FBXO31: variants seen among roughly 807,000 people sequenced by gnomAD.
The protein encoded by FBXO31 is F-box protein 31.
In FBXO31, 24 loss-of-function variants were observed where a neutral mutation model predicts 54.4. The ratio of observed to expected loss-of-function variants is 0.44; its 90% CI spans 0.32 to 0.62. The LOEUF is 0.62. FBXO31 is among the 20% of genes least tolerant of loss of function. The pLI, the probability that FBXO31 is intolerant of heterozygous loss-of-function variation, is 0.05. For missense variants in FBXO31, 665 were observed against 787.1 expected, an observed-to-expected ratio of 0.84 and a Z score of 1.86; for synonymous variants, 388 against 335.6, an observed-to-expected ratio of 1.16 and a Z score of -1.71.
Position 87,383,741 on chromosome 16 carries a change from C to A in FBXO31, c.4G>T (p.Ala2Ser), listed in dbSNP as rs1393141084. Residue 2 changes from alanine (A) to serine (S), a missense_variant, in exon 1 of 9, where the codon GCG (alanine) becomes TCG (serine). This residue lies in a region of FBXO31 where 195 missense variants were observed against 174.8 expected (regional missense o/e 1.12). Coordinates refer to ENST00000311635, the MANE Select transcript of FBXO31 (RefSeq NM_024735.5). The surrounding 1 kb of genome is among the most constrained non-coding windows in gnomAD (Gnocchi z 4.9). ...ACGCCGCAAAGGCGAGCACACACCG[C>A]CATGCCGCCCAGTGACGGCCACTGC... MAVCARLCGVGP... is the reference protein window; with the variant it reads MSVCARLCGVGP... 8.2e-7 allele frequency: 1 copy of A among 1,212,422 alleles called. No homozygotes were observed. The highest frequency in any genetic ancestry group is 1.0e-6 in the Non-Finnish European group (1 of 978,306). 75.1% of individuals were successfully genotyped at this position (1,212,422 alleles called of 1,614,324 possible).
At position 87,329,436 on chromosome 16, in the gene FBXO31, G is replaced by A. The variant is rs972725115; in HGVS notation, c.*1852C>T. ...CTAGGACTGCGTCCCTTAGAGCGAG[G>A]CTCGGGCTCTTGGTAAAAAAGCATT... is the stretch of plus-strand genomic sequence containing the variant. On this transcript the variant is annotated 3_prime_UTR_variant, in exon 9 of 9. Coordinates refer to ENST00000311635, the MANE Select transcript of FBXO31 (RefSeq NM_024735.5). 6.6e-6 allele frequency: 1 copy of A among 152,306 alleles called. No individual in the cohort carries two copies. Among genetic ancestry groups the A allele is most frequent in the South Asian group, 2.1e-4 (1 of 4,836 alleles). 9.4% of individuals were successfully genotyped at this position (152,306 alleles called of 1,614,324 possible). A position where few individuals can be genotyped will look rare whatever the true frequency, so the allele number is the denominator to read the frequency against.
chr16:87,352,559 G>C (rs1473510691), intron 2 of FBXO31, among the ~76,000 whole-genome samples: 2 of 152,180 alleles, frequency 1.3e-5, no homozygotes, highest in Admixed American at 1.3e-4. Context: ...GGCCTGTTCA[G>C]GTCCAGCCCG....
intron 1 of FBXO31, among the ~76,000 whole-genome samples, chr16:87,369,437 G>T (rs775820725): frequency 6.6e-6 from 1 of 152,182 alleles, no homozygotes; most frequent in Non-Finnish European, 1.5e-5. Context: ...GAAGCATGCC[G>T]TACTTGTCCT....
At position 87,331,519 on chromosome 16, in the gene FBXO31, AAACAAGAGGGAAACTGTG is replaced by A. The variant is rs768208811; in HGVS notation, c.1398-27_1398-10del. 1 of 1,589,878 alleles carries A rather than the reference AAACAAGAGGGAAACTGTG, an allele frequency of 6.3e-7. No homozygotes were observed. The highest frequency in any genetic ancestry group is 8.6e-7 in the Non-Finnish European group (1 of 1,163,566). On this transcript the variant is annotated splice_polypyrimidine_tract_variant and intron_variant, in intron 8 of 8. Transcript: ENST00000311635. ...GGCCTGTGCCATAAAAACTGAGCAG[AAACAAGAGGGAAACTGTG>A]AGCTGGGGGAGGGCTGAGTCAAATG...
Position 87,383,703 on chromosome 16 carries a change from G to T in FBXO31, c.42C>A (p.Arg14=), listed in dbSNP as rs946117279. The T allele has an allele frequency of 1.8e-4, 224 of 1,264,932 alleles. No individual in the cohort carries two copies. Among genetic ancestry groups the T allele is most frequent in the Non-Finnish European group, 2.2e-4 (219 of 1,012,098 alleles). 78.4% of individuals were successfully genotyped at this position (1,264,932 alleles called of 1,614,324 possible). The change falls in exon 1 of 9, where the codon CGC becomes CGA. Residue 14 remains arginine, a synonymous_variant. Transcript: ENST00000311635. The surrounding 1 kb of genome is among the most constrained non-coding windows in gnomAD (Gnocchi z 4.9). ...CARLCGVGPS[R]GCRRRQQRRG... is the part of the protein sequence containing the mutation. The stretch of plus-strand genomic sequence containing the variant: ...GGCGCTGCTGGCGGCGCCGACATCC[G>T]CGCGACGGGCCCACGCCGCAAAGGC...
rs2150671189 is a variant in FBXO31, at chr16:87,338,837, T to A, written c.733-2573A>T. ...TGGCTGTGTCCCCACCCAAATCTCA[T>A]CTTGAACTGTAGCTCTTCCAATTCC... On this transcript the variant is annotated intron_variant, in intron 5 of 8. Transcript: ENST00000311635. The surrounding 1 kb of genome is among the most constrained non-coding windows in gnomAD (Gnocchi z 4.3). Among the ~76,000 whole-genome samples, 1 of 152,264 alleles carries A rather than the reference T, an allele frequency of 6.6e-6. No individual in the cohort carries two copies. Among genetic ancestry groups the A allele is most frequent in the South Asian group, 2.1e-4 (1 of 4,822 alleles).
intron 2 of FBXO31, among the ~76,000 whole-genome samples, chr16:87,360,028 T>C (rs1906065313): frequency 6.6e-6 from 1 of 152,226 alleles, no homozygotes; most frequent in Admixed American, 6.5e-5. Flanking sequence ...CAAGTCGCTC[T>C]GGTGCAGCCT....
rs922753281 is a variant in FBXO31, at chr16:87,328,752, G to A, written c.*2536C>T. On this transcript the variant is annotated 3_prime_UTR_variant, in exon 9 of 9. Coordinates refer to ENST00000311635, the MANE Select transcript of FBXO31 (RefSeq NM_024735.5). ...AGAGCAGACTTGATCCTGCCCCAGA[G>A]TGAGACAGCGACAGAAAGGCATCCG... 1 of 152,310 alleles carries A rather than the reference G, an allele frequency of 6.6e-6. No individual in the cohort carries two copies. Among genetic ancestry groups the A allele is most frequent in the African/African-American group, 2.4e-5 (1 of 41,464 alleles). The allele number at this position is 152,310 out of a possible 1,614,324, so 9.4% of individuals were successfully genotyped here. A position where few individuals can be genotyped will look rare whatever the true frequency, so the allele number is the denominator to read the frequency against.
At chr16:87,343,439 G>A (rs1905254663) in intron 4 of FBXO31, among the ~76,000 whole-genome samples, 159 bp downstream of exon 4, 2 of 152,272 alleles carry the variant, frequency 1.3e-5, no homozygotes, top group Non-Finnish European at 2.9e-5. Flanking sequence ...GCGCCACGGA[G>A]GCGTAAACAA....
intron 2 of FBXO31, among the ~76,000 whole-genome samples, chr16:87,355,764 G>T (rs934579347): frequency 6.6e-6 from 1 of 152,144 alleles, no homozygotes; most frequent in African/African-American, 2.4e-5. Context: ...GCGTGGGGAG[G>T]AGGTCTCTTC....
chr16:87,391,487 T>C (rs189920818), upstream of FBXO31: 25 of 152,300 alleles, frequency 1.6e-4, no homozygotes, highest in Admixed American at 1.4e-3. Flanking sequence ...TAGCGTAAGG[T>C]TGTCCAGCGA....
At position 87,358,189 on chromosome 16, in the gene FBXO31, G is replaced by A. The variant is rs994534530; in HGVS notation, c.412+2106C>T. ...TAGTACCCAGAAACCACTGCAGAAA[G>A]GTAAGCCAAATGCAGCCTGGGTCCA... On this transcript the variant is annotated intron_variant, in intron 2 of 8. Coordinates refer to ENST00000311635, the MANE Select transcript of FBXO31 (RefSeq NM_024735.5). The surrounding 1 kb of genome is among the most constrained non-coding windows in gnomAD (Gnocchi z 4.0). Among the ~76,000 whole-genome samples, 1 of 152,150 alleles carries A rather than the reference G, an allele frequency of 6.6e-6. No individual in the cohort carries two copies. Among genetic ancestry groups the A allele is most frequent in the Admixed American group, 6.5e-5 (1 of 15,268 alleles).
intron 1 of FBXO31, among the ~76,000 whole-genome samples, chr16:87,370,762 G>T (rs1391417461): frequency 6.6e-6 from 1 of 152,192 alleles, no homozygotes; most frequent in Non-Finnish European, 1.5e-5. Flanking sequence ...GGACCTGCTG[G>T]CTGGTGTCCT....
chr16:87,351,392 A>G (rs1905648568), intron 2 of FBXO31, among the ~76,000 whole-genome samples: 1 of 152,034 alleles, frequency 6.6e-6, no homozygotes, highest in East Asian at 1.9e-4. Context: ...AGTCCTCCCT[A>G]AATTGGGCTC....
chr16:87,331,064 T>G lies in FBXO31; in HGVS notation c.*224A>C. ...TGTATTCAGGCTCGTTCTCTCTGTT[T>G]TTGGTAAGACATGCTCAGCTTCTTC... On this transcript the variant is annotated 3_prime_UTR_variant, in exon 9 of 9. Transcript: ENST00000311635. The G allele has an allele frequency of 1.9e-6, 1 of 536,724 alleles. No homozygotes were observed. Among genetic ancestry groups the G allele is most frequent in the South Asian group, 2.3e-5 (1 of 44,112 alleles). 33.2% of individuals were successfully genotyped at this position (536,724 alleles called of 1,614,324 possible). A position where few individuals can be genotyped will look rare whatever the true frequency, so the allele number is the denominator to read the frequency against.
chr16:87,340,634 A>C (rs953550180), intron 5 of FBXO31, among the ~76,000 whole-genome samples: 2 of 152,150 alleles, frequency 1.3e-5, no homozygotes, highest in African/African-American at 4.8e-5. Context: ...GAGTCTTTTA[A>C]AGAAAGATGG....
rs551238735 is a variant in FBXO31, at chr16:87,356,743, C to G, written c.412+3552G>C. Among the ~76,000 whole-genome samples the G allele has an allele frequency of 7.9e-5, 12 of 152,262 alleles. No homozygotes were observed. In the East Asian group the frequency reaches 2.3e-3, roughly 29 times the overall value. ...GCTTTCAGTTGGTGTTTTTAGAAAT[C>G]GGGCATTTATGAAACTTAAGATGTA... On this transcript the variant is annotated intron_variant, in intron 2 of 8. Coordinates refer to ENST00000311635, the MANE Select transcript of FBXO31 (RefSeq NM_024735.5).
chr16:87,390,830 C>T (rs1907511810), upstream of FBXO31, among the ~76,000 whole-genome samples: 1 of 151,988 alleles, frequency 6.6e-6, no homozygotes, highest in African/African-American at 2.4e-5. Flanking sequence ...CTCCTGGGCT[C>T]AAGCGATCCT....
At chr16:87,385,121 A>G (rs1907282072), upstream of FBXO31, among the ~76,000 whole-genome samples, 1 of 149,094 alleles carries the variant, frequency 6.7e-6, no homozygotes, top group Admixed American at 6.7e-5. Context: ...GGAGTCGGAG[A>G]CCAGCCTACC....
Sources: gnomAD v4.1 joint callset for allele counts (sites outside exome capture counted in the v4.1 genomes callset) on GRCh38, gnomAD v4.1.1 for gene constraint, gnomAD v4.1.1 regional missense constraint, Gnocchi (gnomAD v3.1) non-coding constraint, MANE v1.5 for transcripts, NCBI Gene and HGNC (gene_info 2026-07-23, HGNC 2026-07-21) for gene names.